The following FUNDC2 variants were observed in gnomAD, a reference collection of about 807,000 sequenced individuals.
FUNDC2 encodes the protein FUN14 domain containing 2, also known as FUN14 domain-containing protein 2.
A neutral mutation model predicts 15.6 loss-of-function variants in FUNDC2; 4 were observed. The observed-to-expected ratio is 0.26, with a 90% CI of 0.13 to 0.59. The LOEUF (loss-of-function observed/expected upper bound fraction) is 0.59, where lower values mean the gene tolerates loss of function less well. Among genes scored for constraint, FUNDC2 ranks in the 20% least tolerant of loss-of-function variants. The pLI is 0.90. For synonymous variants in FUNDC2, 44 were observed against 56.9 expected, an observed-to-expected ratio of 0.77 and a Z score of 1.02; for missense variants, 98 against 149.7, an observed-to-expected ratio of 0.65 and a Z score of 1.80.
At chrX:155,046,963 G>T in intron 3 of FUNDC2, 1 of 207,893 alleles carries the variant, frequency 4.8e-6, no homozygotes, top group Non-Finnish European at 8.8e-6. Context: ...TGTTGAGCAT[G>T]TGATGAGAAA....
rs2073896882 is a variant in FUNDC2 at position 155,056,384 on chromosome X, C to G, written c.*1712C>G. ...TCATATCAGACATTAACAGTAATTA[C>G]ATAATATCCAAAATCTGATCAGTGT... On this transcript the variant is annotated 3_prime_UTR_variant, in exon 5 of 5. Coordinates refer to ENST00000369498, the MANE Select transcript of FUNDC2 (RefSeq NM_023934.4). The G allele has an allele frequency of 1.8e-5, 2 of 111,624 alleles. No individual in the cohort carries two copies. Among genetic ancestry groups the G allele is most frequent in the Middle Eastern group, 4.6e-3 (1 of 216 alleles). 9.2% of individuals were successfully genotyped at this position (111,624 alleles called of 1,213,427 possible).
At chrX:155,036,060 G>T (rs2073829939) in intron 2 of FUNDC2, among the ~76,000 whole-genome samples, 1 of 111,943 alleles carries the variant, frequency 8.9e-6, no homozygotes, top group African/African-American at 3.3e-5. Context: ...GAGTCACGTA[G>T]TAAGTGAATG....
In FUNDC2 at chrX:155,057,139, GCTGCACACC is replaced by G. The variant is rs2073908775; in HGVS notation, c.*2468_*2476del. 9.0e-6 allele frequency: 1 copy of G among 111,250 alleles called. No individual in the cohort carries two copies. Among genetic ancestry groups the G allele is most frequent in the African/African-American group, 3.3e-5 (1 of 30,287 alleles). 9.2% of individuals were successfully genotyped at this position (111,250 alleles called of 1,213,427 possible). A position where few individuals can be genotyped will look rare whatever the true frequency, so the allele number is the denominator to read the frequency against. ...CTGGCATGGAGGTTGAACACGCACA[GCTGCACACC>G]TTGTTTTCAGTTTAGCTGAACCATC... is the stretch of plus-strand genomic sequence containing the variant. On this transcript the variant is annotated 3_prime_UTR_variant, in exon 5 of 5. Coordinates refer to ENST00000369498, the MANE Select transcript of FUNDC2 (RefSeq NM_023934.4).
chrX:155,039,590 A>T (rs1057300862), intron 2 of FUNDC2, among the ~76,000 whole-genome samples: 1 of 112,050 alleles, frequency 8.9e-6, no homozygotes, highest in South Asian at 3.7e-4. Context: ...CCATTTTTTG[A>T]AGAGACTATC....
rs1172940820 is a variant in FUNDC2, at chrX:155,057,657, C to G, written c.*2985C>G. On this transcript the variant is annotated 3_prime_UTR_variant, in exon 5 of 5. Coordinates refer to ENST00000369498, the MANE Select transcript of FUNDC2 (RefSeq NM_023934.4). ...CAGCGTGCTGGACAGTGTCCCGGCT[C>G]AGGGACCCCTTCTGTCCCCTTCCTG... 8.9e-6 allele frequency: 1 copy of G among 112,011 alleles called. No individual in the cohort carries two copies. Among genetic ancestry groups the G allele is most frequent in the Non-Finnish European group, 1.9e-5 (1 of 53,136 alleles). 9.2% of individuals were successfully genotyped at this position (112,011 alleles called of 1,213,427 possible). A position where few individuals can be genotyped will look rare whatever the true frequency, so the allele number is the denominator to read the frequency against.
chrX:155,030,505 C>T (rs1603438344), intron 1 of FUNDC2, among the ~76,000 whole-genome samples: 1 of 110,395 alleles, frequency 9.1e-6, no homozygotes, highest in Admixed American at 9.7e-5. Flanking sequence ...AGTGCCACTG[C>T]ACTCCAATGT....
rs1212529747 is a variant in FUNDC2, at chrX:155,058,281, G to A, written c.*3609G>A. On this transcript the variant is annotated 3_prime_UTR_variant, in exon 5 of 5. Transcript: ENST00000369498. The stretch of plus-strand genomic sequence containing the variant: ...ATTCTAGCCAACATGCTCTTGGGGT[G>A]GGTGCTTCTGGTTTTGGAAAGCAAA... 1 of 111,389 alleles carries A rather than the reference G, an allele frequency of 9.0e-6. No individual in the cohort carries two copies. The highest frequency in any genetic ancestry group is 1.9e-5 in the Non-Finnish European group (1 of 53,089). 9.2% of individuals were successfully genotyped at this position (111,389 alleles called of 1,213,427 possible). A position where few individuals can be genotyped will look rare whatever the true frequency, so the allele number is the denominator to read the frequency against.
At chrX:155,045,285 C>T (rs2073858817) in intron 2 of FUNDC2, among the ~76,000 whole-genome samples, 2 of 111,715 alleles carry the variant, frequency 1.8e-5, no homozygotes, top group Admixed American at 1.9e-4. Context: ...ATCCAATGTA[C>T]AGCATGAGGA....
intron 4 of FUNDC2, among the ~76,000 whole-genome samples, chrX:155,053,348 G>A (rs1484026735): frequency 1.8e-5 from 2 of 111,774 alleles, no homozygotes; most frequent in African/African-American, 3.3e-5. Flanking sequence ...TCATAGAGCC[G>A]GTGGTCTGAT....
At chrX:155,052,294 G>A (rs2073881528) in intron 4 of FUNDC2, among the ~76,000 whole-genome samples, 1 of 112,038 alleles carries the variant, frequency 8.9e-6, no homozygotes, top group Non-Finnish European at 1.9e-5. Flanking sequence ...ATTGGATTTG[G>A]CCCATGGGCT....
At chrX:155,054,094 T>G (rs2073886561) in intron 4 of FUNDC2, 2 of 750,653 alleles carry the variant, frequency 2.7e-6, no homozygotes, top group African/African-American at 4.7e-5. Flanking sequence ...ATTTATAGCA[T>G]CTACCTGGGA....
At chrX:155,030,683 C>CT (rs369740085) in intron 1 of FUNDC2, among the ~76,000 whole-genome samples, 2,354 of 85,606 alleles carry the variant, frequency 0.027, 96 homozygotes, top group Admixed American at 0.11. Flanking sequence ...CTATTTTCTA[C>CT]TTTTTTTTTT....
chrX:155,027,112 G>A (rs1199338366), intron 1 of FUNDC2, 41 bp downstream of exon 1: 1 of 1,065,991 alleles, frequency 9.4e-7, no homozygotes, highest in Non-Finnish European at 1.2e-6. Context: ...GCGGGGAGCC[G>A]CCTTCCTGGG....
chrX:155,055,652 GCA>G lies in FUNDC2; in HGVS notation c.*987_*988del, dbSNP rs1394556007. On this transcript the variant is annotated 3_prime_UTR_variant, in exon 5 of 5. Transcript: ENST00000369498. ...CACACACACACACACGGGCACACAC[GCA>G]CACACAGAATCTTACCACATTTTGC... The G allele has an allele frequency of 6.1e-6, 1 of 162,894 alleles. No homozygotes were observed. Among genetic ancestry groups the G allele is most frequent in the Non-Finnish European group, 1.2e-5 (1 of 86,947 alleles). 13.4% of individuals were successfully genotyped at this position (162,894 alleles called of 1,213,427 possible).
At chrX:155,027,208 C>T in intron 1 of FUNDC2, 137 bp downstream of exon 1, 1 of 684,191 alleles carries the variant, frequency 1.5e-6, no homozygotes, top group Non-Finnish European at 1.9e-6. Context: ...GGAGGGCGCT[C>T]GGGGATCGCC....
At chrX:155,039,934 G>A (rs1312113997) in intron 2 of FUNDC2, among the ~76,000 whole-genome samples, 3 of 111,703 alleles carry the variant, frequency 2.7e-5, no homozygotes, top group African/African-American at 9.8e-5. Flanking sequence ...ATTGCTTTGG[G>A]AGGTATGGAG....
Position 155,056,943 on chromosome X carries a change from G to C in FUNDC2, c.*2271G>C, listed in dbSNP as rs183975029. On this transcript the variant is annotated 3_prime_UTR_variant, in exon 5 of 5. Transcript: ENST00000369498. ...ACTGTATTCTGATTGTCTGAATTAA[G>C]ATCTGTAGGTAGGTCCCTCCTGAAG... The C allele has an allele frequency of 4.4e-4, 49 of 110,225 alleles. No individual in the cohort carries two copies. The highest frequency in any genetic ancestry group is 1.6e-3 in the African/African-American group (48 of 30,549). The allele number at this position is 110,225 out of a possible 1,213,427, so 9.1% of individuals were successfully genotyped here.
rs1557291217 is a variant in FUNDC2 at position 155,057,690 on chromosome X, T to C, written c.*3018T>C. On this transcript the variant is annotated 3_prime_UTR_variant, in exon 5 of 5. Transcript: ENST00000369498. ...CCTTCTGTCCCCTTCCTGGCTACTA[T>C]GGGTCGGCCCTGCGTCCTCACCACT... 2 of 111,997 alleles carry C rather than the reference T, an allele frequency of 1.8e-5. No individual in the cohort carries two copies. The highest frequency in any genetic ancestry group is 6.5e-5 in the African/African-American group (2 of 30,675). 9.2% of individuals were successfully genotyped at this position (111,997 alleles called of 1,213,427 possible). A position where few individuals can be genotyped will look rare whatever the true frequency, so the allele number is the denominator to read the frequency against.
At chrX:155,034,894 C>T (rs782185458) in intron 2 of FUNDC2, among the ~76,000 whole-genome samples, 2 of 111,367 alleles carry the variant, frequency 1.8e-5, no homozygotes, top group Non-Finnish European at 3.8e-5. Flanking sequence ...TTTTTTTCCT[C>T]TGAAGTTGTC....
Sources: gnomAD v4.1 joint callset for allele counts (sites outside exome capture counted in the v4.1 genomes callset) on GRCh38, gnomAD v4.1.1 for gene constraint, MANE v1.5 for transcripts, NCBI Gene and HGNC (gene_info 2026-07-23, HGNC 2026-07-21) for gene names.